Variants in PCDH7 observed in about 807,000 individuals in gnomAD.
The protein encoded by PCDH7 is protocadherin 7.
Under a neutral mutation model 58.9 loss-of-function variants are expected in PCDH7, and 17 were observed. The observed-to-expected ratio is 0.29, with a 90% CI of 0.20 to 0.43. The LOEUF is 0.43. PCDH7 is among the 20% of genes least tolerant of loss of function. The pLI is 1.00. For synonymous variants in PCDH7, 664 were observed against 616.4 expected, an observed-to-expected ratio of 1.08 and a Z score of -1.14; for missense variants, 1,274 against 1,441.0, an observed-to-expected ratio of 0.88 and a Z score of 1.88.
intron 3 of PCDH7, among the ~76,000 whole-genome samples, chr4:31,035,825 C>A (rs574724583): frequency 6.6e-5 from 10 of 152,118 alleles, no homozygotes; most frequent in Non-Finnish European, 1.2e-4. Flanking sequence ...GAAGGATTTT[C>A]TTGGCTTTCA....
intron 1 of PCDH7, among the ~76,000 whole-genome samples, chr4:30,903,169 T>A (rs1740451600): frequency 6.6e-6 from 1 of 152,120 alleles, no homozygotes; most frequent in Non-Finnish European, 1.5e-5. Context: ...TAATATTATT[T>A]AGTGAATTTA....
intron 2 of PCDH7, among the ~76,000 whole-genome samples, chr4:30,946,690 TTGTG>T (rs112524366): frequency 0.012 from 1,682 of 137,594 alleles, 12 homozygotes; most frequent in East Asian, 0.027. Flanking sequence ...CTTATCTCTT[TTGTG>T]TGTGTGTGTG....
intron 3 of PCDH7, among the ~76,000 whole-genome samples, chr4:30,999,645 T>C (rs139131670): frequency 1.0e-3 from 158 of 152,250 alleles, no homozygotes; most frequent in African/African-American, 3.8e-3. Context: ...GACCAAACGA[T>C]ACATTACATT....
At chr4:30,898,144 A>G (rs1739691280) in intron 1 of PCDH7, among the ~76,000 whole-genome samples, 1 of 152,204 alleles carries the variant, frequency 6.6e-6, no homozygotes, top group African/African-American at 2.4e-5. Context: ...CCATAAAAGT[A>G]GCCTCAGGGG....
intron 3 of PCDH7, among the ~76,000 whole-genome samples, chr4:30,992,791 T>C (rs1191431194): frequency 2.1e-5 from 3 of 143,316 alleles, no homozygotes; most frequent in Non-Finnish European, 4.5e-5. Context: ...TACTGTCCCA[T>C]TCTTTTTTTT....
intron 1 of PCDH7, among the ~76,000 whole-genome samples, chr4:30,749,958 T>C (rs1480729853): frequency 6.6e-6 from 1 of 152,150 alleles, no homozygotes; most frequent in African/African-American, 2.4e-5. Context: ...ATTTACACAG[T>C]TCTGGAGCTT....
chr4:30,970,396 G>A (rs1408406217), intron 3 of PCDH7, among the ~76,000 whole-genome samples: 2 of 151,578 alleles, frequency 1.3e-5, no homozygotes, highest in South Asian at 2.1e-4. Context: ...CCGTGTTCAC[G>A]CCATTCTCCT....
chr4:31,061,870 G>C (rs559621573), intron 3 of PCDH7, among the ~76,000 whole-genome samples: 1 of 151,642 alleles, frequency 6.6e-6, no homozygotes, highest in Admixed American at 6.6e-5. Flanking sequence ...TGGTTAAATT[G>C]GTTGTGCATA....
chr4:30,977,916 T>G (rs1366162741), intron 3 of PCDH7, among the ~76,000 whole-genome samples: 2 of 152,182 alleles, frequency 1.3e-5, no homozygotes, highest in Non-Finnish European at 2.9e-5. Flanking sequence ...AATAACGTGG[T>G]GGAGAGCGTT....
At chr4:31,007,997 G>A (rs1752908586) in intron 3 of PCDH7, among the ~76,000 whole-genome samples, 1 of 152,044 alleles carries the variant, frequency 6.6e-6, no homozygotes, top group African/African-American at 2.4e-5. Context: ...AGCATGACAT[G>A]GGGTAGGAGT....
At chr4:31,128,146 TACAC>T (rs144203433) in intron 3 of PCDH7, among the ~76,000 whole-genome samples, 4 of 149,244 alleles carry the variant, frequency 2.7e-5, no homozygotes, top group South Asian at 2.1e-4. Context: ...TATACATATA[TACAC>T]ACACACACAC....
intron 1 of PCDH7, among the ~76,000 whole-genome samples, chr4:30,892,758 G>A (rs186659298): frequency 2.0e-3 from 302 of 152,092 alleles, no homozygotes; most frequent in Middle Eastern, 3.4e-3. Flanking sequence ...TGAATGTCAT[G>A]CTTGTAGGAA....
intron 1 of PCDH7, among the ~76,000 whole-genome samples, chr4:30,789,241 A>C (rs904413436): frequency 2.0e-5 from 3 of 152,178 alleles, no homozygotes; most frequent in African/African-American, 7.2e-5. Context: ...ATTGCCTGGC[A>C]GAATATTAAA....
chr4:30,916,772 C>T (rs892421524), intron 1 of PCDH7, among the ~76,000 whole-genome samples: 2 of 152,206 alleles, frequency 1.3e-5, no homozygotes, highest in African/African-American at 2.4e-5. Flanking sequence ...CTTTTTGAAC[C>T]TCTACCTATG....
chr4:30,979,741 G>C (rs1425433597), intron 3 of PCDH7, among the ~76,000 whole-genome samples: 1 of 151,864 alleles, frequency 6.6e-6, no homozygotes, highest in Non-Finnish European at 1.5e-5. Context: ...CTTGAAGTCA[G>C]GGACTACATC....
intron 1 of PCDH7, among the ~76,000 whole-genome samples, chr4:30,858,935 T>A (rs1733832498): frequency 6.6e-6 from 1 of 152,216 alleles, no homozygotes; most frequent in Admixed American, 6.5e-5. Flanking sequence ...AACAATCAGT[T>A]ACCTTCAGGA....
intron 1 of PCDH7, among the ~76,000 whole-genome samples, chr4:30,865,983 G>C (rs576067917): frequency 3.4e-4 from 52 of 152,038 alleles, no homozygotes; most frequent in Non-Finnish European, 6.9e-4. Context: ...GGATAAAATG[G>C]TGTACACAAG....
intron 1 of PCDH7, among the ~76,000 whole-genome samples, chr4:30,776,787 CA>C (rs1722122214): frequency 6.6e-6 from 1 of 151,906 alleles, no homozygotes; most frequent in Non-Finnish European, 1.5e-5. Flanking sequence ...ACAGGCTTAA[CA>C]CCATTTGAGT....
At chr4:30,838,070 G>T (rs1009443863) in intron 1 of PCDH7, among the ~76,000 whole-genome samples, 12 of 151,622 alleles carry the variant, frequency 7.9e-5, no homozygotes, top group African/African-American at 2.9e-4. Context: ...AGAGATAATC[G>T]ACTTCAGTTG....
Sources: allele counts gnomAD v4.1 joint callset (sites outside exome capture counted in the v4.1 genomes callset), GRCh38; gene constraint gnomAD v4.1.1; transcripts MANE v1.5; gene names NCBI Gene and HGNC (gene_info 2026-07-23, HGNC 2026-07-21).